Variants in ZNF528 observed in about 807,000 individuals in gnomAD.
ZNF528 encodes the protein zinc finger protein 528.
In ZNF528, 9 loss-of-function variants were observed where a neutral mutation model predicts 13.3. The ratio of observed to expected loss-of-function variants is 0.67; its 90% CI spans 0.41 to 1.18. The LOEUF (loss-of-function observed/expected upper bound fraction) is 1.18, where lower values mean the gene tolerates loss of function less well. ZNF528 is among the 50% of genes most tolerant of loss of function. ZNF528 has a pLI of 0.01. For missense variants in ZNF528, 858 were observed against 745.4 expected (o/e 1.15, Z -1.76); for synonymous variants, 264 against 254.3 (o/e 1.04, Z -0.36).
chr19:52,398,932 A>T (rs1323179323), intron 2 of ZNF528, among the ~76,000 whole-genome samples: 4 of 152,156 alleles, frequency 2.6e-5, no homozygotes. Flanking sequence ...CGAAGATGGA[A>T]TTTAACAGGG....
Position 52,415,931 on chromosome 19 carries a change from A to G in ZNF528, c.1079A>G (p.Lys360Arg). Residue 360 changes from lysine (K) to arginine (R), a missense_variant, in exon 7 of 7, where the codon AAA (lysine) becomes AGA (arginine). Physicochemically the swap from Lys to Arg is conservative, Grantham distance 26. Coordinates refer to ENST00000360465, the MANE Select transcript of ZNF528 (RefSeq NM_032423.3). ...EKPYKCEECGKAFSVRSSLIT... is the reference protein window; with the variant it reads ...EKPYKCEECGRAFSVRSSLIT... Reference sequence around the variant, plus strand: ...CCTTACAAATGTGAAGAATGTGGCAAAGCATTTTCAGTGCGTTCCAGCCTC... The same window carrying G: ...CCTTACAAATGTGAAGAATGTGGCAGAGCATTTTCAGTGCGTTCCAGCCTC... The G allele has an allele frequency of 1.2e-6, 2 of 1,614,130 alleles. No homozygotes were observed. The highest frequency in any genetic ancestry group is 2.2e-5 in the East Asian group (1 of 44,884).
At position 52,406,567 on chromosome 19, in the gene ZNF528, T is replaced by C; in HGVS notation, c.195T>C (p.Asp65=). The C allele has an allele frequency of 6.2e-7, 1 of 1,614,050 alleles. No homozygotes were observed. The highest frequency in any genetic ancestry group is 1.1e-5 in the South Asian group (1 of 91,050). The change falls in exon 6 of 7, where the codon GAT becomes GAC. Residue 65 remains aspartate (D), a synonymous_variant. Transcript: ENST00000360465. ...CCTCCATGTTAGAGCAAAAGAGAGA[T>C]CCCTGGACTCTGCAGAGTGAAGAGA... ...SVTSMLEQKR[D]PWTLQSEEKI...
chr19:52,402,175 G>A (rs1009113084), intron 4 of ZNF528, 147 bp downstream of exon 4: 13 of 1,189,836 alleles, frequency 1.1e-5, no homozygotes, highest in African/African-American at 1.5e-5. Context: ...CTTCATTTCC[G>A]CTTGAGATTT....
intron 6 of ZNF528, 180 bp from the exon 7 acceptor site, chr19:52,414,944 C>T (rs771332501): frequency 1.3e-6 from 2 of 1,525,586 alleles, no homozygotes; most frequent in Non-Finnish European, 1.8e-6. Flanking sequence ...TGCAGATTCC[C>T]CACTGCTCCA....
intron 5 of ZNF528, among the ~76,000 whole-genome samples, 172 bp downstream of exon 5, chr19:52,406,205 T>C (rs2245620): frequency 6.6e-6 from 1 of 151,964 alleles, no homozygotes; most frequent in Non-Finnish European, 1.5e-5. Flanking sequence ...CTTTCTTCAG[T>C]TATTCTCCTC....
intron 6 of ZNF528, among the ~76,000 whole-genome samples, chr19:52,410,777 T>C (rs1385967092): frequency 6.6e-6 from 1 of 152,214 alleles, no homozygotes; most frequent in Non-Finnish European, 1.5e-5. Context: ...TAAGCTATAA[T>C]TCCTCTTCAG....
At chr19:52,399,777 G>A (rs2058769885) in intron 2 of ZNF528, among the ~76,000 whole-genome samples, 1 of 151,574 alleles carries the variant, frequency 6.6e-6, no homozygotes, top group African/African-American at 2.4e-5. Context: ...AACACAGAAT[G>A]CCTCATCTCT....
chr19:52,411,034 G>A (rs1457352891), intron 6 of ZNF528, among the ~76,000 whole-genome samples: 1 of 152,164 alleles, frequency 6.6e-6, no homozygotes, highest in Non-Finnish European at 1.5e-5. Context: ...TTTCTCTGGA[G>A]CAATTTTGGG....
Position 52,406,592 on chromosome 19 carries a change from A to G in ZNF528, c.220A>G (p.Lys74Glu). 6.2e-7 allele frequency: 1 copy of G among 1,614,102 alleles called. No individual in the cohort carries two copies. The highest frequency in any genetic ancestry group is 8.5e-7 in the Non-Finnish European group (1 of 1,180,004). The part of the protein sequence containing the change: ...RDPWTLQSEE[K>E]IANDPDGREC... ...TCCCTGGACTCTGCAGAGTGAAGAG[A>G]AAATAGCAAACGATCCAGACGGCAG... The change falls in exon 6 of 7, where the codon AAA (lysine) becomes GAA (glutamate). Residue 74 changes from lysine to glutamate, a missense_variant. Coordinates refer to ENST00000360465, the MANE Select transcript of ZNF528 (RefSeq NM_032423.3).
chr19:52,414,765 T>C, intron 6 of ZNF528: 1 of 415,612 alleles, frequency 2.4e-6, no homozygotes, highest in South Asian at 2.1e-5. Flanking sequence ...TCTGGGGATG[T>C]GTTTCTTCTG....
intron 6 of ZNF528, chr19:52,414,417 G>T: frequency 3.0e-6 from 2 of 662,808 alleles, no homozygotes; most frequent in Non-Finnish European, 2.7e-6. Flanking sequence ...GTGAACAAGG[G>T]CCCTGAGCTT....
chr19:52,406,707 G>T, intron 6 of ZNF528, 64 bp downstream of exon 6: 1 of 1,547,946 alleles, frequency 6.5e-7, no homozygotes. Context: ...AGGGTCTAAC[G>T]CTGTCATCCA....
Position 52,416,492 on chromosome 19 carries a change from G to A in ZNF528, c.1640G>A (p.Arg547Lys), listed in dbSNP as rs866754956. ...TRHQIIHTGE[R>K]PYRCSKCGKA... ...CATCAAATAATTCATACTGGAGAGA[G>A]GCCTTACAGATGTAGTAAATGTGGC... The change falls in exon 7 of 7, where the codon AGG becomes AAG. Residue 547 changes from arginine to lysine, a missense_variant. Arg to Lys is a conservative substitution (Grantham distance 26, BLOSUM62 2). Coordinates refer to ENST00000360465, the MANE Select transcript of ZNF528 (RefSeq NM_032423.3). 2 of 1,614,018 alleles carry A rather than the reference G, an allele frequency of 1.2e-6. No individual in the cohort carries two copies. The highest frequency in any genetic ancestry group is 1.1e-5 in the South Asian group (1 of 91,076).
Position 52,415,703 on chromosome 19 carries a change from T to C in ZNF528, c.851T>C (p.Leu284Pro). 1 of 1,614,158 alleles carries C rather than the reference T, an allele frequency of 6.2e-7. No homozygotes were observed. Among genetic ancestry groups the C allele is most frequent in the South Asian group, 1.1e-5 (1 of 91,080 alleles). The change falls in exon 7 of 7, where the codon CTT becomes CCT. Residue 284 changes from leucine to proline, a missense_variant. Transcript: ENST00000360465. The part of the protein sequence containing the change: ...CDKVFRSSSK[L>P]AQHQRIHTGE... Reference sequence around the variant, plus strand: ...AAGGTCTTTCGAAGCAGTTCAAAGCTTGCACAACATCAAAGAATTCATACT... The same window carrying C: ...AAGGTCTTTCGAAGCAGTTCAAAGCCTGCACAACATCAAAGAATTCATACT...
Position 52,401,984 on chromosome 19 carries a change from A to T in ZNF528, c.-30A>T. The T allele has an allele frequency of 6.2e-7, 1 of 1,614,154 alleles. No homozygotes were observed. Among genetic ancestry groups the T allele is most frequent in the Non-Finnish European group, 8.5e-7 (1 of 1,180,036 alleles). On this transcript the variant is annotated 5_prime_UTR_variant, in exon 4 of 7. Transcript: ENST00000360465. The stretch of plus-strand genomic sequence containing the variant: ...AAGAGACATATTATGCAAGGAAGCA[A>T]CTTGGAAGAGGAAAGAAAAGAAGTC...
rs1259191033 is a variant in ZNF528 at position 52,416,196 on chromosome 19, G to A, written c.1344G>A (p.Glu448=). ...KCNKCGTAFR[E]FSDLTAHFLI... ...ATAAATGTGGCACAGCGTTTAGAGA[G>A]TTTTCAGACCTTACTGCCCATTTTC... The change falls in exon 7 of 7, where the codon GAG becomes GAA. Residue 448 remains glutamate (E), a synonymous_variant. Transcript: ENST00000360465. The A allele has an allele frequency of 2.5e-6, 4 of 1,613,590 alleles. No individual in the cohort carries two copies. Among genetic ancestry groups the A allele is most frequent in the Non-Finnish European group, 3.4e-6 (4 of 1,179,816 alleles).
At chr19:52,401,158 C>A (rs992018364) in intron 2 of ZNF528, among the ~76,000 whole-genome samples, 1 of 151,932 alleles carries the variant, frequency 6.6e-6, no homozygotes, top group Admixed American at 6.6e-5. Flanking sequence ...CCCCTGAATT[C>A]CAAAATCCTG....
At chr19:52,406,466 G>A in intron 5 of ZNF528, 49 bp from the exon 6 acceptor site, 2 of 1,593,354 alleles carry the variant, frequency 1.3e-6, no homozygotes, top group Non-Finnish European at 1.7e-6. Context: ...TACAGGGCTT[G>A]GACTTGGGAG....
At chr19:52,405,219 A>T (rs1253031067) in intron 4 of ZNF528, among the ~76,000 whole-genome samples, 1 of 147,134 alleles carries the variant, frequency 6.8e-6, no homozygotes. Context: ...CACCATCTCA[A>T]AAAAAAAAAA....
Sources: allele counts gnomAD v4.1 joint callset (sites outside exome capture counted in the v4.1 genomes callset), GRCh38; gene constraint gnomAD v4.1.1; transcripts MANE v1.5; gene names NCBI Gene and HGNC (gene_info 2026-07-23, HGNC 2026-07-21).